SEMA3D: variants seen among roughly 807,000 people sequenced by gnomAD.
The protein encoded by SEMA3D is semaphorin-3D.
In SEMA3D, 84 loss-of-function variants were observed where a neutral mutation model predicts 100.1. The ratio of observed to expected loss-of-function variants is 0.84; its 90% CI spans 0.70 to 1.01. The LOEUF is 1.01. Ranked by LOEUF, SEMA3D falls within the 50% of genes least tolerant of loss-of-function variation. The pLI is 0.00. For missense variants in SEMA3D, 875 were observed against 934.1 expected (o/e 0.94, Z 0.82); for synonymous variants, 312 against 320.7 (o/e 0.97, Z 0.29).
the SEMA3D span, among the ~76,000 whole-genome samples, chr7:85,210,163 T>C: frequency 1.3e-5 from 2 of 152,106 alleles, no homozygotes; most frequent in African/African-American, 4.8e-5. Context: ...TCTCAGCAGA[T>C]GCTAATTAAG....
intron 9 of SEMA3D, among the ~76,000 whole-genome samples, chr7:85,044,956 G>T (rs1242745393): frequency 1.3e-5 from 2 of 151,914 alleles, no homozygotes; most frequent in East Asian, 3.9e-4. Context: ...GTTGAATGAA[G>T]ACATGATTAA....
intron 2 of SEMA3D, among the ~76,000 whole-genome samples, chr7:85,150,476 A>T (rs1410903161): frequency 8.1e-6 from 1 of 122,802 alleles, no homozygotes; most frequent in East Asian, 2.4e-4. Context: ...ATTTACAGGG[A>T]TATATATATA....
chr7:85,103,205 A>G (rs1241437581), intron 3 of SEMA3D, among the ~76,000 whole-genome samples: 1 of 151,922 alleles, frequency 6.6e-6, no homozygotes, highest in Non-Finnish European at 1.5e-5. Context: ...ACCAAAACAG[A>G]AAAAAAATTG....
upstream of SEMA3D, among the ~76,000 whole-genome samples, chr7:85,188,882 CT>C (rs1791634150): frequency 6.6e-6 from 1 of 152,168 alleles, no homozygotes; most frequent in African/African-American, 2.4e-5. Flanking sequence ...ATAATAAGCT[CT>C]TTTCACTTTA....
intron 4 of SEMA3D, among the ~76,000 whole-genome samples, chr7:85,095,140 G>A (rs951171082): frequency 1.3e-5 from 2 of 151,718 alleles, no homozygotes; most frequent in East Asian, 1.9e-4. Flanking sequence ...ATATACCTGC[G>A]CTATTCACTC....
chr7:85,045,521 G>A (rs1283237609), intron 9 of SEMA3D, among the ~76,000 whole-genome samples: 2 of 151,840 alleles, frequency 1.3e-5, no homozygotes, highest in African/African-American at 4.8e-5. Flanking sequence ...GAGTATCATT[G>A]TTAAGAAATA....
At chr7:85,217,593 T>G in the SEMA3D span, among the ~76,000 whole-genome samples, 1 of 152,106 alleles carries the variant, frequency 6.6e-6, no homozygotes, top group Non-Finnish European at 1.5e-5. Context: ...GAGAGTGTTC[T>G]AATTCCCAGG....
At chr7:85,062,478 A>C (rs547855128) in intron 8 of SEMA3D, among the ~76,000 whole-genome samples, 12 of 152,312 alleles carry the variant, frequency 7.9e-5, no homozygotes, top group Admixed American at 5.2e-4. Flanking sequence ...AAGGAGAGGA[A>C]GAAGAGGAAG....
chr7:85,147,099 T>TC (rs1790235587), intron 2 of SEMA3D, among the ~76,000 whole-genome samples: 1 of 113,574 alleles, frequency 8.8e-6, no homozygotes. Flanking sequence ...TTTCTTTTTT[T>TC]TTTTTTTTTT....
chr7:85,113,036 A>T (rs1789135011), intron 3 of SEMA3D, among the ~76,000 whole-genome samples: 1 of 152,184 alleles, frequency 6.6e-6, no homozygotes, highest in Non-Finnish European at 1.5e-5. Context: ...TACAGACACC[A>T]GTGATTCCTG....
At chr7:85,241,523 T>G in the SEMA3D span, among the ~76,000 whole-genome samples, 1 of 132,970 alleles carries the variant, frequency 7.5e-6, no homozygotes, top group Non-Finnish European at 1.5e-5. Context: ...AGAAATGAAT[T>G]AATGGCATTT....
chr7:85,205,096 AT>A, the SEMA3D span, among the ~76,000 whole-genome samples: 2 of 152,030 alleles, frequency 1.3e-5, no homozygotes, highest in African/African-American at 4.8e-5. Context: ...CTTTTGAGAA[AT>A]GTCTATTTAG....
chr7:85,042,976 C>T (rs376653066), intron 9 of SEMA3D, among the ~76,000 whole-genome samples: 14 of 152,084 alleles, frequency 9.2e-5, no homozygotes, highest in Non-Finnish European at 2.9e-5. Context: ...TATTTGCAAC[C>T]TTTAGCAATA....
At chr7:85,115,574 T>C (rs563771065) in intron 3 of SEMA3D, among the ~76,000 whole-genome samples, 72 of 152,324 alleles carry the variant, frequency 4.7e-4, no homozygotes, top group African/African-American at 1.7e-3. Flanking sequence ...ATATCTTTTT[T>C]TATTCCTTGG....
chr7:85,212,082 T>A, the SEMA3D span, among the ~76,000 whole-genome samples: 1 of 152,206 alleles, frequency 6.6e-6, no homozygotes, highest in African/African-American at 2.4e-5. Context: ...TTACTTAGGC[T>A]TAATAAATAC....
At chr7:85,172,901 G>A (rs1164188371) in intron 1 of SEMA3D, among the ~76,000 whole-genome samples, 1 of 152,006 alleles carries the variant, frequency 6.6e-6, no homozygotes, top group Admixed American at 6.6e-5. Flanking sequence ...ACTTTCTTAT[G>A]AGGGAGACTA....
intron 3 of SEMA3D, among the ~76,000 whole-genome samples, chr7:85,100,575 A>C (rs1195625472): frequency 6.6e-6 from 1 of 151,912 alleles, no homozygotes; most frequent in Admixed American, 6.6e-5. Flanking sequence ...ATTGATGAGA[A>C]AGATAAAAAG....
At chr7:85,173,013 A>T (rs1244230290) in intron 1 of SEMA3D, among the ~76,000 whole-genome samples, 2 of 152,082 alleles carry the variant, frequency 1.3e-5, no homozygotes, top group Admixed American at 1.3e-4. Context: ...GCACAAAAGA[A>T]ACAAGGTTGT....
At chr7:85,115,035 C>T (rs1409149712) in intron 3 of SEMA3D, among the ~76,000 whole-genome samples, 1 of 152,132 alleles carries the variant, frequency 6.6e-6, no homozygotes, top group Non-Finnish European at 1.5e-5. Flanking sequence ...TTTGGCTACC[C>T]AGTGATCTTA....
Sources: gnomAD v4.1 joint callset for allele counts (sites outside exome capture counted in the v4.1 genomes callset) on GRCh38, gnomAD v4.1.1 for gene constraint, MANE v1.5 for transcripts, NCBI Gene and HGNC (gene_info 2026-07-23, HGNC 2026-07-21) for gene names.